SYNPO2L: variants seen among roughly 807,000 people sequenced by gnomAD.
SYNPO2L encodes synaptopodin 2 like, also known as synaptopodin 2-like protein.
A neutral mutation model predicts 47.5 loss-of-function variants in SYNPO2L; 34 were observed. That is an observed-to-expected ratio of 0.72 (90% CI 0.54 to 0.95). The LOEUF is 0.95. SYNPO2L is among the 40% of genes least tolerant of loss of function. SYNPO2L has a pLI of 0.00. For synonymous variants in SYNPO2L, 536 were observed against 524.9 expected, an observed-to-expected ratio of 1.02 and a Z score of -0.29; for missense variants, 1,246 against 1,282.0, an observed-to-expected ratio of 0.97 and a Z score of 0.43.
intron 3 of SYNPO2L, chr10:73,650,578 C>T: frequency 4.6e-6 from 3 of 654,344 alleles, no homozygotes; most frequent in Non-Finnish European, 5.7e-6. Context: ...CTTCTTGACA[C>T]TATACTTTCT....
At position 73,647,229 on chromosome 10, in the gene SYNPO2L, G is replaced by A; in HGVS notation, c.2423C>T (p.Pro808Leu). The part of the protein sequence containing the change: ...SWKYSPNIRA[P>L]PPIAYNPLLS... Reference sequence around the variant, plus strand: ...CAGTGGGTTGTAAGCAATAGGAGGCGGGGCACGGATGTTGGGTGAATATTT... The same window carrying A: ...CAGTGGGTTGTAAGCAATAGGAGGCAGGGCACGGATGTTGGGTGAATATTT... Residue 808 changes from proline (P) to leucine (L), a missense_variant, in exon 4 of 4, where the codon CCG (proline) becomes CTG (leucine). Physicochemically the swap from Pro to Leu is moderately conservative, Grantham distance 98. This residue lies in a region of SYNPO2L where 1,037 missense variants were observed against 1,021.5 expected (regional missense o/e 1.02). Transcript: ENST00000394810. The A allele has an allele frequency of 3.1e-6, 5 of 1,614,010 alleles. No homozygotes were observed. Among genetic ancestry groups the A allele is most frequent in the Non-Finnish European group, 4.2e-6 (5 of 1,179,948 alleles).
rs1247677885 is a variant in SYNPO2L, at chr10:73,646,971, G to A, written c.2681C>T (p.Ala894Val). 6 of 1,611,562 alleles carry A rather than the reference G, an allele frequency of 3.7e-6. No individual in the cohort carries two copies. The highest frequency in any genetic ancestry group is 5.1e-6 in the Non-Finnish European group (6 of 1,178,462). ...VQEIRRFSTPAPQPTAEPLAP... is the reference protein window; with the variant it reads ...VQEIRRFSTPVPQPTAEPLAP... ...CAGGGGTTCTGCAGTGGGCTGGGGT[G>A]CCGGAGTGGAAAACCGGCGAATCTC... The change falls in exon 4 of 4, where the codon GCA becomes GTA. Residue 894 changes from alanine to valine, a missense_variant. Physicochemically the swap from Ala to Val is moderately conservative, Grantham distance 64. Coordinates refer to ENST00000394810, the MANE Select transcript of SYNPO2L (RefSeq NM_001114133.3).
At chr10:73,649,841 G>T (rs1474298388) in intron 3 of SYNPO2L, 28 of 985,248 alleles carry the variant, frequency 2.8e-5, no homozygotes, top group Non-Finnish European at 3.4e-5. Context: ...CAAGATGCAG[G>T]AAAAGTTAGA....
intron 3 of SYNPO2L, among the ~76,000 whole-genome samples, chr10:73,652,085 A>AC (rs1440509854): frequency 1.4e-5 from 2 of 138,076 alleles, no homozygotes; most frequent in Non-Finnish European, 3.0e-5. Context: ...AAAAAAAAAA[A>AC]AAAAACCAGA....
At position 73,648,009 on chromosome 10, in the gene SYNPO2L, C is replaced by CACCA; in HGVS notation, c.1642_1643insTGGT (p.Ser548MetfsTer10). 1 of 1,581,430 alleles carries CACCA rather than the reference C, an allele frequency of 6.3e-7. No homozygotes were observed. The highest frequency in any genetic ancestry group is 8.6e-7 in the Non-Finnish European group (1 of 1,164,998). ...ACTAGGGGCTGGGATGTACAGGGAG[C>CACCA]TGGTGGCTGTCACAGGGCCCGAGGA... On this transcript the variant is annotated frameshift_variant, in exon 4 of 4. Coordinates refer to ENST00000394810, the MANE Select transcript of SYNPO2L (RefSeq NM_001114133.3). LOFTEE classifies it high-confidence loss of function.
Position 73,653,158 on chromosome 10 carries a change from G to C in SYNPO2L, c.753C>G (p.Thr251=). The change falls in exon 3 of 4, where the codon ACC becomes ACG. Residue 251 remains threonine (T), a synonymous_variant. Coordinates refer to ENST00000394810, the MANE Select transcript of SYNPO2L (RefSeq NM_001114133.3). The part of the protein sequence containing the change: ...PVAEDLTTTY[T]QKAKQAKLQR... ...ACTCACTGGCTTGCTTGGCCTTCTGGGTGTAGGTGGTAGTAAGATCTTCTG... is the reference window on the plus strand; with the variant it reads ...ACTCACTGGCTTGCTTGGCCTTCTGCGTGTAGGTGGTAGTAAGATCTTCTG... The C allele has an allele frequency of 6.9e-7, 1 of 1,450,814 alleles. No individual in the cohort carries two copies. Among genetic ancestry groups the C allele is most frequent in the Non-Finnish European group, 9.1e-7 (1 of 1,097,510 alleles). 89.9% of individuals were successfully genotyped at this position (1,450,814 alleles called of 1,614,324 possible).
In SYNPO2L at chr10:73,645,481, A is replaced by G; in HGVS notation, c.*1237T>C. The G allele has an allele frequency of 1.0e-5, 10 of 989,214 alleles. No homozygotes were observed. Among genetic ancestry groups the G allele is most frequent in the Non-Finnish European group, 1.2e-5 (10 of 833,026 alleles). 61.3% of individuals were successfully genotyped at this position (989,214 alleles called of 1,614,324 possible). On this transcript the variant is annotated 3_prime_UTR_variant, in exon 4 of 4. Coordinates refer to ENST00000394810, the MANE Select transcript of SYNPO2L (RefSeq NM_001114133.3). ...TTCTCTCAAGCTCATGAGGCAATGA[A>G]GCCAATGATTTGTTCATTCTCGGAG...
chr10:73,648,371 A>T lies in SYNPO2L; in HGVS notation c.1281T>A (p.Ser427Arg). ...EGLQSPPRAQ[S>R]APPEAAVLPP... Reference sequence around the variant, plus strand: ...GGAGCACAGCTGCCTCTGGGGGAGCACTCTGGGCCCGAGGTGGTGACTGCA... The same window carrying T: ...GGAGCACAGCTGCCTCTGGGGGAGCTCTCTGGGCCCGAGGTGGTGACTGCA... Residue 427 changes from serine (S) to arginine (R), a missense_variant, in exon 4 of 4, where the codon AGT (serine) becomes AGA (arginine). Physicochemically the swap from Ser to Arg is moderately radical, Grantham distance 110 (BLOSUM62 -1). Transcript: ENST00000394810. The T allele has an allele frequency of 6.2e-7, 1 of 1,606,214 alleles. No homozygotes were observed. Among genetic ancestry groups the T allele is most frequent in the South Asian group, 1.1e-5 (1 of 90,928 alleles).
chr10:73,650,098 G>T, intron 3 of SYNPO2L: 1 of 985,378 alleles, frequency 1.0e-6, no homozygotes, highest in Non-Finnish European at 1.2e-6. Flanking sequence ...AAATGGGAGG[G>T]CTACCCTGCT....
In SYNPO2L at chr10:73,654,299, C is replaced by T; in HGVS notation, c.106-19G>A. 3 of 1,551,078 alleles carry T rather than the reference C, an allele frequency of 1.9e-6. No homozygotes were observed. The highest frequency in any genetic ancestry group is 2.6e-6 in the Non-Finnish European group (3 of 1,146,814). ...TTCGAATCTGAGATGTTGAAGGAGA[C>T]ACTGTAGGTAAGAGGGGGCTCCAAA... On this transcript the variant is annotated intron_variant, in intron 1 of 3. Transcript: ENST00000394810.
intron 3 of SYNPO2L, chr10:73,650,157 G>A (rs2132420844): frequency 1.0e-6 from 1 of 985,456 alleles, no homozygotes; most frequent in South Asian, 4.7e-5. Context: ...ATGGTCCCCA[G>A]TTCCTCCTGA....
At chr10:73,652,679 A>AAAAAC (rs1419732216) in intron 3 of SYNPO2L, among the ~76,000 whole-genome samples, 40 of 152,184 alleles carry the variant, frequency 2.6e-4, no homozygotes, top group Middle Eastern at 3.4e-3. Context: ...CAAAAAAACA[A>AAAAAC]AAAACAAAAC....
At position 73,653,423 on chromosome 10, in the gene SYNPO2L, G is replaced by A. The variant is rs1479803479; in HGVS notation, c.488C>T (p.Thr163Ile). The A allele has an allele frequency of 6.4e-7, 1 of 1,551,416 alleles. No individual in the cohort carries two copies. Among genetic ancestry groups the A allele is most frequent in the African/African-American group, 1.4e-5 (1 of 73,054 alleles). ...TGGGGCACCCGGAGGGGTGGGCCTT[G>A]TGGGGCCTCGGCGGCGAGGTCGACG... ...KPRRPRRRGP[T>I]RPTPPGAPPD... The change falls in exon 3 of 4, where the codon ACA becomes ATA. Residue 163 changes from threonine to isoleucine, a missense_variant. Physicochemically the swap from Thr to Ile is moderately conservative, Grantham distance 89. Coordinates refer to ENST00000394810, the MANE Select transcript of SYNPO2L (RefSeq NM_001114133.3).
In SYNPO2L at chr10:73,656,013, G is replaced by A. The variant is rs1210158809; in HGVS notation, c.-91C>T. 2.4e-5 allele frequency: 27 copies of A among 1,111,540 alleles called. 1 individual carries two copies. The Middle Eastern group carries it at 8.7e-4, about 36-fold the overall frequency. 68.9% of individuals were successfully genotyped at this position (1,111,540 alleles called of 1,614,324 possible). ...GAACCCCGTCTGGGCTTCCTGTCCG[G>A]CTGTCCTGCTCCTGCTGCCCCAGGC... is the stretch of plus-strand genomic sequence containing the variant. On this transcript the variant is annotated 5_prime_UTR_variant, in exon 1 of 4. Coordinates refer to ENST00000394810, the MANE Select transcript of SYNPO2L (RefSeq NM_001114133.3).
In SYNPO2L at chr10:73,648,216, C is replaced by T; in HGVS notation, c.1436G>A (p.Arg479Gln). The T allele has an allele frequency of 1.9e-6, 3 of 1,580,590 alleles. No individual in the cohort carries two copies. Among genetic ancestry groups the T allele is most frequent in the Non-Finnish European group, 2.6e-6 (3 of 1,165,668 alleles). The stretch of plus-strand genomic sequence containing the variant: ...GAAAATAACCGAGGTGGTAGTTGGC[C>T]GCTGCCCTTGTAGGCCCGGGGTAAA... ...RPFTPGLQGQRPTTTSVIFRP... is the reference protein window; with the variant it reads ...RPFTPGLQGQQPTTTSVIFRP... Residue 479 changes from arginine (R) to glutamine (Q), a missense_variant, in exon 4 of 4, where the codon CGG (arginine) becomes CAG (glutamine). Arg to Gln is a conservative substitution (Grantham distance 43, BLOSUM62 1). This residue lies in a region of SYNPO2L where 1,037 missense variants were observed against 1,021.5 expected (regional missense o/e 1.02). Coordinates refer to ENST00000394810, the MANE Select transcript of SYNPO2L (RefSeq NM_001114133.3).
rs1422817641 is a variant in SYNPO2L, at chr10:73,645,314, G to C, written c.*1404C>G. The C allele has an allele frequency of 1.9e-6, 2 of 1,076,178 alleles. No individual in the cohort carries two copies. The highest frequency in any genetic ancestry group is 6.0e-5 in the Admixed American group (1 of 16,602). 66.7% of individuals were successfully genotyped at this position (1,076,178 alleles called of 1,614,324 possible). On this transcript the variant is annotated 3_prime_UTR_variant, in exon 4 of 4. Transcript: ENST00000394810. ...TCCAATCCCCCTCTCACACACGGTTGGTTTCTTGTTACTCAACTTTACCTT... is the reference window on the plus strand; with the variant it reads ...TCCAATCCCCCTCTCACACACGGTTCGTTTCTTGTTACTCAACTTTACCTT...
intron 3 of SYNPO2L, among the ~76,000 whole-genome samples, chr10:73,651,842 G>T (rs942940606): frequency 5.3e-5 from 8 of 152,048 alleles, no homozygotes; most frequent in Non-Finnish European, 1.0e-4. Flanking sequence ...TTGGGAGGCC[G>T]AGGCGGGTGG....
At position 73,645,806 on chromosome 10, in the gene SYNPO2L, A is replaced by G; in HGVS notation, c.*912T>C. On this transcript the variant is annotated 3_prime_UTR_variant, in exon 4 of 4. Coordinates refer to ENST00000394810, the MANE Select transcript of SYNPO2L (RefSeq NM_001114133.3). ...TGACCCTTCTATCAGTACAACGATA[A>G]GACTCAGATTGGGTCTTTTGTTTGT... The G allele has an allele frequency of 2.0e-6, 2 of 985,922 alleles. No individual in the cohort carries two copies. Among genetic ancestry groups the G allele is most frequent in the Non-Finnish European group, 2.4e-6 (2 of 830,050 alleles). 61.1% of individuals were successfully genotyped at this position (985,922 alleles called of 1,614,324 possible).
Position 73,647,429 on chromosome 10 carries a change from C to T in SYNPO2L, c.2223G>A (p.Gly741=). 1 of 1,610,630 alleles carries T rather than the reference C, an allele frequency of 6.2e-7. No homozygotes were observed. Among genetic ancestry groups the T allele is most frequent in the Non-Finnish European group, 8.5e-7 (1 of 1,177,498 alleles). Reference sequence around the variant, plus strand: ...CAGGGATTCCAGCCGAAGAGGCTGCCCCATTCACGAGCCCATCAAGGAGCC... The same window carrying T: ...CAGGGATTCCAGCCGAAGAGGCTGCTCCATTCACGAGCCCATCAAGGAGCC... ...SRGLLDGLVN[G]AASSAGIPEP... is the part of the protein sequence containing the mutation. The change falls in exon 4 of 4, where the codon GGG becomes GGA. Residue 741 remains glycine, a synonymous_variant. Transcript: ENST00000394810.
Sources: allele counts gnomAD v4.1 joint callset (sites outside exome capture counted in the v4.1 genomes callset), GRCh38; gene constraint gnomAD v4.1.1; regional missense constraint gnomAD v4.1.1; transcripts MANE v1.5; gene names NCBI Gene and HGNC (gene_info 2026-07-23, HGNC 2026-07-21).